The following ATP6V0A2 variants were observed in gnomAD, a reference collection of about 807,000 sequenced individuals.
ATP6V0A2 encodes ATPase H+ transporting V0 subunit a2, also known as V-type proton ATPase 116 kDa subunit a 2.
A neutral mutation model predicts 104.4 loss-of-function variants in ATP6V0A2; 58 were observed. The ratio of observed to expected loss-of-function variants is 0.56; its 90% confidence interval spans 0.45 to 0.69. The LOEUF (loss-of-function observed/expected upper bound fraction) is 0.69, where lower values mean the gene tolerates loss of function less well. Among genes scored for constraint, ATP6V0A2 ranks in the 30% least tolerant of loss-of-function variants. The pLI is 0.00. For missense variants in ATP6V0A2, 938 were observed against 1,062.9 expected, an observed-to-expected ratio of 0.88 and a Z score of 1.63; for synonymous variants, 376 against 397.9, an observed-to-expected ratio of 0.95 and a Z score of 0.65.
chr12:123,751,626 C>T (rs1316101978), intron 16 of ATP6V0A2, among the ~76,000 whole-genome samples: 1 of 152,020 alleles, frequency 6.6e-6, no homozygotes, highest in Non-Finnish European at 1.5e-5. Flanking sequence ...TGCACTCCAG[C>T]CTGGGCAACA....
At chr12:123,713,541 C>T (rs1956312633) in intron 1 of ATP6V0A2, among the ~76,000 whole-genome samples, 1 of 152,092 alleles carries the variant, frequency 6.6e-6, no homozygotes, top group African/African-American at 2.4e-5. Flanking sequence ...ACAAGCTTTT[C>T]TTGACTGCCC....
At chr12:123,743,347 A>G (rs1317480678) in intron 9 of ATP6V0A2, among the ~76,000 whole-genome samples, 2 of 152,184 alleles carry the variant, frequency 1.3e-5, no homozygotes, top group African/African-American at 4.8e-5. Flanking sequence ...AGCCACACAC[A>G]CAGCGTTGCC....
At chr12:123,720,648 GACAC>G (rs1956390389) in intron 2 of ATP6V0A2, among the ~76,000 whole-genome samples, 1 of 152,180 alleles carries the variant, frequency 6.6e-6, no homozygotes, top group Non-Finnish European at 1.5e-5. Context: ...GGGCCAGGAT[GACAC>G]ACCACTGTAC....
chr12:123,717,836 ATGT>A (rs1157422726), intron 1 of ATP6V0A2, among the ~76,000 whole-genome samples: 2 of 151,928 alleles, frequency 1.3e-5, no homozygotes, highest in Non-Finnish European at 2.9e-5. Context: ...CCTGAGATTG[ATGT>A]TGTCATAGAT....
chr12:123,757,877 G>T, intron 19 of ATP6V0A2, 50 bp from the exon 20 acceptor site: 1 of 1,133,254 alleles, frequency 8.8e-7, no homozygotes. Flanking sequence ...TTGTTTTAAG[G>T]AATGTGATTT....
intron 13 of ATP6V0A2, among the ~76,000 whole-genome samples, chr12:123,745,502 T>C (rs934316740): frequency 3.3e-5 from 5 of 151,916 alleles, no homozygotes; most frequent in Non-Finnish European, 5.9e-5. Flanking sequence ...GTCAGGAGAT[T>C]GAGACCATCC....
intron 18 of ATP6V0A2, chr12:123,754,748 C>CTCTGAGGCTGGTCTGGCT: frequency 1.7e-6 from 1 of 578,946 alleles, no homozygotes; most frequent in East Asian, 2.8e-5. Context: ...GAGGGAGTCT[C>CTCTGAGGCTGGTCTGGCT]TCTGAGGCTG....
intron 1 of ATP6V0A2, among the ~76,000 whole-genome samples, chr12:123,717,780 C>T (rs775505154): frequency 6.6e-6 from 1 of 152,046 alleles, no homozygotes; most frequent in Non-Finnish European, 1.5e-5. Context: ...ATTTCTTGAA[C>T]TAGTTTTCTA....
At chr12:123,746,611 C>T (rs897800699) in intron 13 of ATP6V0A2, among the ~76,000 whole-genome samples, 3 of 146,052 alleles carry the variant, frequency 2.1e-5, no homozygotes, top group African/African-American at 7.7e-5. Flanking sequence ...GTACTCTAGC[C>T]CCTGGGCAGC....
Position 123,751,846 on chromosome 12 carries a change from T to C in ATP6V0A2, c.2056-437T>C, listed in dbSNP as rs1566291854. The stretch of plus-strand genomic sequence containing the variant: ...CTTTAAGATTTTCTTTTTTCTTTTC[T>C]TTTCTTTCTTTCTTTCTTTTTTTTT... On this transcript the variant is annotated intron_variant, in intron 16 of 19. Coordinates refer to ENST00000330342, the MANE Select transcript of ATP6V0A2 (RefSeq NM_012463.4). Among the ~76,000 whole-genome samples, 3 of 144,340 alleles carry C rather than the reference T, an allele frequency of 2.1e-5. No homozygotes were observed. In the Admixed American group the frequency reaches 2.2e-4, roughly 11 times the overall value. The allele number at this position is 144,340 out of a possible 152,430, so 94.7% of individuals were successfully genotyped here. A position where few individuals can be genotyped will look rare whatever the true frequency, so the allele number is the denominator to read the frequency against.
At chr12:123,749,803 G>A (rs1032052605) in intron 15 of ATP6V0A2, among the ~76,000 whole-genome samples, 9 of 152,156 alleles carry the variant, frequency 5.9e-5, no homozygotes, top group African/African-American at 2.2e-4. Context: ...CTCCCAGTCG[G>A]TAGTATCAGA....
Position 123,733,920 on chromosome 12 carries a change from T to G in ATP6V0A2, c.649-6T>G, listed in dbSNP as rs769493585. 2 of 1,606,646 alleles carry G rather than the reference T, an allele frequency of 1.2e-6. No individual in the cohort carries two copies. Among genetic ancestry groups the G allele is most frequent in the Admixed American group, 3.3e-5 (2 of 60,016 alleles). ...AATAACACTTATCCTTATTCATTCT[T>G]TGTAGGGGGAAGTCATAAAATGGTA... On this transcript the variant is annotated splice_region_variant and splice_polypyrimidine_tract_variant and intron_variant, in intron 6 of 19. Transcript: ENST00000330342.
At chr12:123,715,441 A>T (rs1231770269) in intron 1 of ATP6V0A2, among the ~76,000 whole-genome samples, 1 of 151,338 alleles carries the variant, frequency 6.6e-6, no homozygotes, top group East Asian at 1.9e-4. Flanking sequence ...TGGTTCTTTT[A>T]AAAAAAAAGT....
intron 13 of ATP6V0A2, among the ~76,000 whole-genome samples, chr12:123,746,821 T>C (rs10773033): frequency 0.55 from 83,002 of 151,076 alleles, 24,355 homozygotes; most frequent in East Asian, 0.94. Flanking sequence ...CTGGTCCAGC[T>C]ACTCAGGAGG....
chr12:123,713,234 G>A (rs1238165963), intron 1 of ATP6V0A2, among the ~76,000 whole-genome samples: 2 of 151,868 alleles, frequency 1.3e-5, no homozygotes, highest in Non-Finnish European at 2.9e-5. Flanking sequence ...AACAGGAGGA[G>A]CCCAGACAGA....
intron 13 of ATP6V0A2, 122 bp from the exon 14 acceptor site, chr12:123,747,485 C>T (rs1956673181): frequency 1.3e-6 from 1 of 765,696 alleles, no homozygotes; most frequent in Admixed American, 1.9e-5. Context: ...AAAAGAAAAG[C>T]CTGAATATTG....
At chr12:123,715,021 G>T (rs1956326932) in intron 1 of ATP6V0A2, among the ~76,000 whole-genome samples, 1 of 152,224 alleles carries the variant, frequency 6.6e-6, no homozygotes, top group African/African-American at 2.4e-5. Context: ...GGCAGAGGTT[G>T]CAGTGAGCTG....
chr12:123,749,943 G>A (rs940513991), intron 15 of ATP6V0A2: 7 of 152,198 alleles, frequency 4.6e-5, no homozygotes, highest in Admixed American at 2.6e-4. Context: ...TCAACTTAAC[G>A]GAACTTTGGC....
chr12:123,719,806 C>G (rs546392464), intron 2 of ATP6V0A2, among the ~76,000 whole-genome samples: 1 of 152,016 alleles, frequency 6.6e-6, no homozygotes, highest in Non-Finnish European at 1.5e-5. Flanking sequence ...ATAAACCATC[C>G]GGACCACACA....
Sources: allele counts gnomAD v4.1 joint callset (sites outside exome capture counted in the v4.1 genomes callset), GRCh38; gene constraint gnomAD v4.1.1; transcripts MANE v1.5; gene names NCBI Gene and HGNC (gene_info 2026-07-23, HGNC 2026-07-21).